CDK14: variants seen among roughly 807,000 people sequenced by gnomAD.
CDK14 encodes cyclin-dependent kinase 14.
Under a neutral mutation model 60.7 loss-of-function variants are expected in CDK14, and 34 were observed. The ratio of observed to expected loss-of-function variants is 0.56; its 90% CI spans 0.43 to 0.75. The LOEUF (loss-of-function observed/expected upper bound fraction) is 0.75, where lower values mean the gene tolerates loss of function less well. Among genes scored for constraint, CDK14 ranks in the 30% least tolerant of loss-of-function variants. The probability of loss-of-function intolerance (pLI) is 0.00; values close to 1 mark genes in which losing one functional copy is unlikely to be tolerated. For synonymous variants in CDK14, 197 were observed against 203.7 expected (o/e 0.97, Z 0.28); for missense variants, 482 against 564.1 (o/e 0.85, Z 1.47).
In CDK14 at chr7:90,973,923, G is replaced by A. The variant is rs149936031; in HGVS notation, c.948-10225G>A. 9.9e-3 allele frequency among the ~76,000 whole-genome samples: 1,507 copies of A among 152,074 alleles called. 25 individuals are homozygous for A. The highest frequency in any genetic ancestry group is 0.033 in the African/African-American group (1,381 of 41,472). ...AAACAGGGTTCGAGAGCAGACAACC[G>A]GTCTGACTAGAATTCACCAGGCTGG... On this transcript the variant is annotated intron_variant, in intron 9 of 14. Coordinates refer to ENST00000380050, the MANE Select transcript of CDK14 (RefSeq NM_001287135.2).
At chr7:90,866,873 GC>G (rs1791210964) in intron 6 of CDK14, among the ~76,000 whole-genome samples, 1 of 152,110 alleles carries the variant, frequency 6.6e-6, no homozygotes, top group East Asian at 1.9e-4. Flanking sequence ...GTTGGTGTAG[GC>G]TTTCTTTTAA....
chr7:90,601,025 T>G (rs947774692), intron 1 of CDK14, among the ~76,000 whole-genome samples: 1 of 152,212 alleles, frequency 6.6e-6, no homozygotes, highest in African/African-American at 2.4e-5. Flanking sequence ...GATTCTACCA[T>G]GAAGATTAGC....
At chr7:90,767,532 C>T (rs1804614396) in intron 4 of CDK14, among the ~76,000 whole-genome samples, 3 of 152,146 alleles carry the variant, frequency 2.0e-5, no homozygotes, top group African/African-American at 7.2e-5. Flanking sequence ...AAATAGAGCG[C>T]TCACTGCTCA....
intron 2 of CDK14, among the ~76,000 whole-genome samples, chr7:90,673,535 C>T (rs1485392711): frequency 1.3e-5 from 2 of 152,034 alleles, no homozygotes; most frequent in African/African-American, 4.8e-5. Flanking sequence ...AGTCCTCCCA[C>T]CTCAGCTTAA....
intron 4 of CDK14, among the ~76,000 whole-genome samples, chr7:90,750,428 A>G (rs998600067): frequency 3.3e-5 from 5 of 152,204 alleles, no homozygotes; most frequent in African/African-American, 4.8e-5. Context: ...GAAAGCATGG[A>G]TTACAAGGAA....
intron 12 of CDK14, among the ~76,000 whole-genome samples, chr7:91,109,704 A>G (rs1244688515): frequency 2.0e-5 from 3 of 152,110 alleles, no homozygotes; most frequent in Non-Finnish European, 4.4e-5. Context: ...AATATTTATG[A>G]AAGAGACACC....
intron 14 of CDK14, among the ~76,000 whole-genome samples, chr7:91,123,054 T>C (rs1799830925): frequency 6.6e-6 from 1 of 152,214 alleles, no homozygotes; most frequent in Non-Finnish European, 1.5e-5. Context: ...GCCTGTATAC[T>C]ACTGAGTGAA....
chr7:90,596,584 C>A lies in CDK14; in HGVS notation c.-44C>A. 1.9e-6 allele frequency: 3 copies of A among 1,542,262 alleles called. No individual in the cohort carries two copies. The highest frequency in any genetic ancestry group is 1.8e-6 in the Non-Finnish European group (2 of 1,117,786). On this transcript the variant is annotated 5_prime_UTR_variant, in exon 1 of 15. Transcript: ENST00000380050. ...CGCCCTCGCCGTTGTCTGAGCTGTG[C>A]CTGGACCAGTTTGGGGAAGTTGTCG...
rs114417928 is a variant in CDK14, at chr7:91,125,330, A to C, written c.*28+7122A>C. Among the ~76,000 whole-genome samples the C allele has an allele frequency of 2.2e-3, 333 of 152,316 alleles. 1 individual carries two copies. Among genetic ancestry groups the C allele is most frequent in the African/African-American group, 7.6e-3 (314 of 41,578 alleles). ...TTCTAGACAGATAGCAAATGTAATG[A>C]AAATTGCAACCTGAATGTGTTCTGA... On this transcript the variant is annotated intron_variant, in intron 14 of 14. Transcript: ENST00000380050.
intron 13 of CDK14, among the ~76,000 whole-genome samples, chr7:91,115,621 A>C (rs1799584218): frequency 6.6e-6 from 1 of 152,186 alleles, no homozygotes; most frequent in Non-Finnish European, 1.5e-5. Flanking sequence ...GCAAGCAGGA[A>C]GCAAAGTCAG....
At chr7:91,142,299 C>T (rs1234317684) in intron 14 of CDK14, among the ~76,000 whole-genome samples, 1 of 152,154 alleles carries the variant, frequency 6.6e-6, no homozygotes, top group African/African-American at 2.4e-5. Context: ...GTAGTGGCTG[C>T]CTTCTTTAGC....
At chr7:90,955,381 A>G (rs933281837) in intron 8 of CDK14, among the ~76,000 whole-genome samples, 1 of 152,170 alleles carries the variant, frequency 6.6e-6, no homozygotes, top group African/African-American at 2.4e-5. Flanking sequence ...ATACTTATAA[A>G]TCTGAAAAAT....
chr7:90,834,178 C>A (rs772810986), intron 5 of CDK14, among the ~76,000 whole-genome samples: 1 of 152,086 alleles, frequency 6.6e-6, no homozygotes, highest in Non-Finnish European at 1.5e-5. Context: ...GGAAGCAATT[C>A]GAGGAAATTA....
At chr7:90,803,611 A>C (rs1788725866) in intron 5 of CDK14, among the ~76,000 whole-genome samples, 1 of 152,182 alleles carries the variant, frequency 6.6e-6, no homozygotes. Context: ...TATAAGAAAG[A>C]CAATGAGTTC....
intron 11 of CDK14, among the ~76,000 whole-genome samples, chr7:91,063,456 A>G (rs1362939274): frequency 6.6e-6 from 1 of 152,260 alleles, no homozygotes; most frequent in African/African-American, 2.4e-5. Context: ...CAGCACTGGC[A>G]GAGAGCACCT....
intron 10 of CDK14, among the ~76,000 whole-genome samples, chr7:91,016,484 G>A (rs954930639): frequency 1.3e-5 from 2 of 152,030 alleles, no homozygotes; most frequent in Non-Finnish European, 2.9e-5. Flanking sequence ...CTGTTTTATG[G>A]TACCATATGG....
chr7:90,745,840 T>C (rs1219185370), intron 3 of CDK14, among the ~76,000 whole-genome samples: 1 of 152,256 alleles, frequency 6.6e-6, no homozygotes, highest in African/African-American at 2.4e-5. Context: ...GATTTTTGGT[T>C]GTATACTCAT....
chr7:91,103,844 AAG>A (rs35892260), intron 12 of CDK14, among the ~76,000 whole-genome samples: 133 of 144,148 alleles, frequency 9.2e-4, no homozygotes, highest in Admixed American at 1.0e-3. Flanking sequence ...GAGAGAGAGA[AAG>A]AGAGAGAGAG....
intron 2 of CDK14, among the ~76,000 whole-genome samples, chr7:90,610,571 C>T (rs1799519525): frequency 2.0e-5 from 3 of 152,176 alleles, no homozygotes; most frequent in Non-Finnish European, 4.4e-5. Context: ...TTTTTATTGT[C>T]TCACAGTTCT....
Sources: allele counts gnomAD v4.1 joint callset (sites outside exome capture counted in the v4.1 genomes callset), GRCh38; gene constraint gnomAD v4.1.1; transcripts MANE v1.5; gene names NCBI Gene and HGNC (gene_info 2026-07-23, HGNC 2026-07-21).